OSBPL1A: variants seen among roughly 807,000 people sequenced by gnomAD.
The protein encoded by OSBPL1A is oxysterol-binding protein-related protein 1.
A neutral mutation model predicts 137.1 loss-of-function variants in OSBPL1A; 80 were observed. The observed-to-expected ratio is 0.58, with a 90% CI of 0.49 to 0.70. The LOEUF is 0.70. OSBPL1A is among the 30% of genes least tolerant of loss of function. The pLI is 0.00. For synonymous variants in OSBPL1A, 365 were observed against 389.7 expected (o/e 0.94, Z 0.75); for missense variants, 970 against 1,129.4 (o/e 0.86, Z 2.02).
chr18:24,362,810 T>C lies in OSBPL1A; in HGVS notation c.282+4082A>G, dbSNP rs190128697. 1.3e-3 allele frequency among the ~76,000 whole-genome samples: 192 copies of C among 152,262 alleles called. 2 individuals are homozygous for C. The highest frequency in any genetic ancestry group is 3.8e-3 in the African/African-American group (157 of 41,550). ...AAAATGAGCATAAAGCTGGACAAAA[T>C]TGTCAAAACTAACCATTTTGTGGTG... On this transcript the variant is annotated intron_variant, in intron 4 of 27. Coordinates refer to ENST00000319481, the MANE Select transcript of OSBPL1A (RefSeq NM_080597.4).
At chr18:24,188,125 G>A (rs1599459922) in intron 18 of OSBPL1A, among the ~76,000 whole-genome samples, 1 of 152,228 alleles carries the variant, frequency 6.6e-6, no homozygotes, top group East Asian at 1.9e-4. Flanking sequence ...ATTGAGGAAG[G>A]AATAGATGGA....
At chr18:24,264,144 T>G (rs1037335851) in intron 15 of OSBPL1A, among the ~76,000 whole-genome samples, 1 of 152,178 alleles carries the variant, frequency 6.6e-6, no homozygotes, top group African/African-American at 2.4e-5. Flanking sequence ...CTACCAGTGA[T>G]GAAGCCTACA....
intron 7 of OSBPL1A, among the ~76,000 whole-genome samples, chr18:24,326,554 T>C (rs544043013): frequency 5.3e-5 from 8 of 152,226 alleles, no homozygotes; most frequent in Non-Finnish European, 1.2e-4. Context: ...TCTTCCATTA[T>C]GTATCCTGGA....
intron 7 of OSBPL1A, chr18:24,321,849 A>C (rs2090866563): frequency 2.6e-6 from 1 of 392,124 alleles, no homozygotes; most frequent in African/African-American, 2.1e-5. Flanking sequence ...CATTATTGCT[A>C]AGTTCTGGAG....
chr18:24,189,590 T>G (rs757336030), intron 18 of OSBPL1A, among the ~76,000 whole-genome samples: 7 of 152,204 alleles, frequency 4.6e-5, no homozygotes, highest in Non-Finnish European at 8.8e-5. Flanking sequence ...AAAAATTCAT[T>G]GTGCTTACAT....
chr18:24,230,320 GGAGA>G (rs769250095), intron 16 of OSBPL1A, among the ~76,000 whole-genome samples: 2 of 152,228 alleles, frequency 1.3e-5, no homozygotes, highest in Middle Eastern at 3.4e-3. Context: ...AAAAAGTTCT[GGAGA>G]GAGATGGTGG....
At chr18:24,262,057 T>C (rs1357340974) in intron 15 of OSBPL1A, among the ~76,000 whole-genome samples, 1 of 152,208 alleles carries the variant, frequency 6.6e-6, no homozygotes, top group African/African-American at 2.4e-5. Context: ...AGCTCTAAAA[T>C]AGCTTTCTGT....
At chr18:24,170,219 A>C in intron 24 of OSBPL1A, 108 bp downstream of exon 24, 7 of 1,298,576 alleles carry the variant, frequency 5.4e-6, no homozygotes, top group Non-Finnish European at 7.5e-6. Context: ...ATTAGCAACA[A>C]GGAAGAAGAA....
At chr18:24,393,999 T>C (rs1435858150) in intron 1 of OSBPL1A, among the ~76,000 whole-genome samples, 1 of 152,194 alleles carries the variant, frequency 6.6e-6, no homozygotes, top group Non-Finnish European at 1.5e-5. Context: ...TAAGACAAAA[T>C]TTTAATCACT....
intron 14 of OSBPL1A, among the ~76,000 whole-genome samples, chr18:24,285,292 T>G (rs1027979005): frequency 1.2e-4 from 19 of 152,334 alleles, no homozygotes; most frequent in Middle Eastern, 3.4e-3. Flanking sequence ...ATAAAATATC[T>G]TATTCCACAT....
chr18:24,366,609 A>T (rs568054321), intron 4 of OSBPL1A: 187 of 278,526 alleles, frequency 6.7e-4, no homozygotes, highest in Admixed American at 1.8e-3. Flanking sequence ...TTTTTTTTTT[A>T]AAAAAAAGAA....
At chr18:24,392,854 C>G (rs1030969190) in intron 1 of OSBPL1A, among the ~76,000 whole-genome samples, 7 of 152,074 alleles carry the variant, frequency 4.6e-5, no homozygotes, top group Admixed American at 1.3e-4. Context: ...CCATACCCAG[C>G]TAATTTTTGT....
intron 7 of OSBPL1A, among the ~76,000 whole-genome samples, chr18:24,332,093 C>T (rs758467188): frequency 3.9e-5 from 6 of 152,020 alleles, no homozygotes; most frequent in Non-Finnish European, 7.4e-5. Flanking sequence ...TGGCCCCAAG[C>T]GGCCAGGCAT....
chr18:24,243,992 T>C (rs911205623), intron 15 of OSBPL1A, among the ~76,000 whole-genome samples: 1 of 152,210 alleles, frequency 6.6e-6, no homozygotes, highest in East Asian at 1.9e-4. Flanking sequence ...ACTGAAACGA[T>C]GTAATTCCAG....
intron 1 of OSBPL1A, among the ~76,000 whole-genome samples, chr18:24,385,104 G>A (rs373508916): frequency 1.1e-3 from 174 of 151,702 alleles, no homozygotes; most frequent in African/African-American, 3.0e-3. Context: ...ACAGGCGCCC[G>A]CCACCACACC....
intron 17 of OSBPL1A, among the ~76,000 whole-genome samples, chr18:24,220,977 C>T (rs1000571687): frequency 9.2e-5 from 14 of 152,148 alleles, no homozygotes; most frequent in African/African-American, 2.2e-4. Flanking sequence ...AACGGGGTTT[C>T]GCCACATTGG....
chr18:24,306,510 A>G (rs9955971), intron 13 of OSBPL1A, among the ~76,000 whole-genome samples: 3 of 152,194 alleles, frequency 2.0e-5, no homozygotes, highest in African/African-American at 7.2e-5. Flanking sequence ...TACACACAAC[A>G]TTACGGTGAA....
At chr18:24,234,065 G>C (rs2088366328) in intron 16 of OSBPL1A, among the ~76,000 whole-genome samples, 1 of 152,176 alleles carries the variant, frequency 6.6e-6, no homozygotes, top group African/African-American at 2.4e-5. Flanking sequence ...CCCAGGAGAA[G>C]AGGTATTTGA....
At chr18:24,250,101 A>G (rs1400438634) in intron 15 of OSBPL1A, among the ~76,000 whole-genome samples, 1 of 152,034 alleles carries the variant, frequency 6.6e-6, no homozygotes, top group Non-Finnish European at 1.5e-5. Context: ...GATGCTGGGC[A>G]GAATTGTGGG....
Sources: gnomAD v4.1 joint callset for allele counts (sites outside exome capture counted in the v4.1 genomes callset) on GRCh38, gnomAD v4.1.1 for gene constraint, MANE v1.5 for transcripts, NCBI Gene and HGNC (gene_info 2026-07-23, HGNC 2026-07-21) for gene names.